Variants in PKHD1 observed in about 807,000 individuals in gnomAD.
PKHD1 encodes the protein PKHD1 ciliary IPT domain containing fibrocystin/polyductin.
In PKHD1, 291 loss-of-function variants were observed where a neutral mutation model predicts 412.0. That is an observed-to-expected ratio of 0.71 (90% CI 0.64 to 0.78). The LOEUF is 0.78. Ranked by LOEUF, PKHD1 falls within the 30% of genes least tolerant of loss-of-function variation. The probability of loss-of-function intolerance (pLI) is 0.00; values close to 1 mark genes in which losing one functional copy is unlikely to be tolerated. For missense variants in PKHD1, 4,825 were observed against 4,950.7 expected (o/e 0.97, Z 0.76); for synonymous variants, 1,777 against 1,821.5 (o/e 0.98, Z 0.62).
intron 36 of PKHD1, among the ~76,000 whole-genome samples, chr6:51,953,482 G>A (rs747037216): frequency 5.3e-4 from 81 of 151,796 alleles, no homozygotes; most frequent in Non-Finnish European, 8.8e-4. Flanking sequence ...GTTCTGTGTT[G>A]TAACATTTCT....
rs183956787 is a variant in PKHD1, at chr6:51,851,851, C to A, written c.7912-3881G>T. Among the ~76,000 whole-genome samples the A allele has an allele frequency of 4.4e-3, 672 of 152,184 alleles. 1 individual carries two copies. The highest frequency in any genetic ancestry group is 7.4e-3 in the Non-Finnish European group (506 of 68,006). ...CTATTTTGTTAATTTTTTCAAAAAACCAGCTCCTGGATTCGTTGATTTTTT... is the reference window on the plus strand; with the variant it reads ...CTATTTTGTTAATTTTTTCAAAAAAACAGCTCCTGGATTCGTTGATTTTTT... On this transcript the variant is annotated intron_variant, in intron 49 of 66. Transcript: ENST00000371117.
At chr6:51,881,075 C>CTTTTTTTTTTTTTT (rs371470393) in intron 46 of PKHD1, among the ~76,000 whole-genome samples, 7 of 134,062 alleles carry the variant, frequency 5.2e-5, no homozygotes, top group African/African-American at 1.1e-4. Flanking sequence ...CTTTTTCTTT[C>CTTTTTTTTTTTTTT]TTTTTTTTTT....
At chr6:51,975,692 CA>C (rs1037241974) in intron 35 of PKHD1, 3 of 149,992 alleles carry the variant, frequency 2.0e-5, no homozygotes, top group African/African-American at 7.3e-5. Context: ...CCCAGCTACT[CA>C]GGAGGCTGGG....
intron 6 of PKHD1, 42 bp downstream of exon 6, chr6:52,076,234 A>G (rs1244622458): frequency 1.4e-6 from 2 of 1,415,088 alleles, no homozygotes; most frequent in African/African-American, 2.8e-5. Flanking sequence ...GCTTTGGCAA[A>G]CAGATTCACA....
chr6:51,804,045 T>C (rs1458491194), intron 52 of PKHD1, among the ~76,000 whole-genome samples: 1 of 151,348 alleles, frequency 6.6e-6, no homozygotes, highest in East Asian at 1.9e-4. Flanking sequence ...AAGAAGTAGA[T>C]GTGAAGTCCT....
At chr6:52,055,564 G>C (rs1188086869) in intron 19 of PKHD1, 23 bp downstream of exon 19, 1 of 1,613,728 alleles carries the variant, frequency 6.2e-7, no homozygotes, top group Admixed American at 1.7e-5. Flanking sequence ...ACCTGACCCA[G>C]AAGCACAAAG....
At chr6:51,882,316 A>G (rs1220997651) in intron 46 of PKHD1, among the ~76,000 whole-genome samples, 1 of 152,234 alleles carries the variant, frequency 6.6e-6, no homozygotes, top group Non-Finnish European at 1.5e-5. Context: ...TTTTACTAAG[A>G]AAAGTTGAGA....
At chr6:51,848,133 G>A (rs1391026116) in intron 49 of PKHD1, among the ~76,000 whole-genome samples, 163 bp from the exon 50 acceptor site, 2 of 152,170 alleles carry the variant, frequency 1.3e-5, no homozygotes, top group Non-Finnish European at 2.9e-5. Flanking sequence ...TGTGGGAAAT[G>A]GGAATACTTA....
chr6:51,976,944 T>TG (rs375683749), intron 35 of PKHD1, among the ~76,000 whole-genome samples: 1 of 93,546 alleles, frequency 1.1e-5, no homozygotes, highest in Non-Finnish European at 2.0e-5. Flanking sequence ...TGAGACTCCA[T>TG]AAAAAAAAAA....
chr6:51,723,272 G>A (rs1010108357), intron 60 of PKHD1, among the ~76,000 whole-genome samples: 15 of 152,172 alleles, frequency 9.9e-5, no homozygotes, highest in African/African-American at 3.6e-4. Flanking sequence ...AGACTGTAGT[G>A]ATGAGTCCCA....
At chr6:51,955,791 G>C (rs1791031943) in intron 36 of PKHD1, among the ~76,000 whole-genome samples, 3 of 152,044 alleles carry the variant, frequency 2.0e-5, no homozygotes, top group Admixed American at 2.0e-4. Context: ...TTCATATTTT[G>C]TCGGTTAAAA....
intron 35 of PKHD1, 36 bp from the exon 36 acceptor site, chr6:51,960,062 G>T (rs1476291848): frequency 3.1e-6 from 5 of 1,610,648 alleles, no homozygotes; most frequent in Non-Finnish European, 4.2e-6. Flanking sequence ...GGGTTGGTTG[G>T]TTGGTTGGCT....
Position 51,632,287 on chromosome 6 carries a change from T to C in PKHD1, c.11665+278A>G, listed in dbSNP as rs2784213. 0.95 allele frequency among the ~76,000 whole-genome samples: 144,455 copies of C among 152,106 alleles called. 68,677 individuals are homozygous for C. The highest frequency in any genetic ancestry group is 1 in the East Asian group (5,176 of 5,180). On this transcript the variant is annotated intron_variant, in intron 65 of 66. Coordinates refer to ENST00000371117, the MANE Select transcript of PKHD1 (RefSeq NM_138694.4). Reference sequence around the variant, plus strand: ...TCACCCACCTCATTGGGTTGTTGTGTGGATTAAATAAATTCCTTTATCTGA... The same window carrying C: ...TCACCCACCTCATTGGGTTGTTGTGCGGATTAAATAAATTCCTTTATCTGA...
At chr6:52,052,096 G>C (rs1464134336) in intron 21 of PKHD1, among the ~76,000 whole-genome samples, 2 of 152,172 alleles carry the variant, frequency 1.3e-5, no homozygotes, top group Non-Finnish European at 2.9e-5. Flanking sequence ...TTAGGCAAAA[G>C]ACTGAAAAGT....
Position 52,062,680 on chromosome 6 carries a change from C to T in PKHD1, c.977-20G>A, listed in dbSNP as rs753880972. On this transcript the variant is annotated intron_variant, in intron 13 of 66. Transcript: ENST00000371117. The stretch of plus-strand genomic sequence containing the variant: ...GATTGCCTGTAAGACATGTAGATCG[C>T]ATAAACATTACAGGGCGCACCTTCC... The T allele has an allele frequency of 1.1e-5, 17 of 1,613,814 alleles. No individual in the cohort carries two copies. In the African/African-American group the frequency reaches 1.9e-4, roughly 18 times the overall value.
At chr6:51,635,797 C>T (rs1026080963) in intron 64 of PKHD1, among the ~76,000 whole-genome samples, 1 of 138,580 alleles carries the variant, frequency 7.2e-6, no homozygotes, top group Non-Finnish European at 1.5e-5. Flanking sequence ...GAGAATATTC[C>T]AACCAAGGAA....
rs201984652 is a variant in PKHD1, at chr6:51,911,791, T to C, written c.6490+8A>G. 43 of 1,610,762 alleles carry C rather than the reference T, an allele frequency of 2.7e-5. No homozygotes were observed. In the Admixed American group the frequency reaches 4.8e-4, roughly 18 times the overall value. The stretch of plus-strand genomic sequence containing the variant: ...CTCATTAGACTTTCCAACAAAACAC[T>C]CTTCTACCTTCTGGAGCATTGGCCT... On this transcript the variant is annotated splice_region_variant and intron_variant, in intron 39 of 66. Transcript: ENST00000371117.
At chr6:52,087,413 C>A (rs1812944716) in intron 1 of PKHD1, 21 bp downstream of exon 1, 1 of 152,204 alleles carries the variant, frequency 6.6e-6, no homozygotes, top group African/African-American at 2.4e-5. Context: ...AGAGCAGAGA[C>A]TTTTCTGGAT....
rs1420500256 is a variant in PKHD1 at position 51,617,576 on chromosome 6, T to A, written c.*1505A>T. The A allele has an allele frequency of 6.6e-6, 1 of 152,186 alleles. No individual in the cohort carries two copies. Among genetic ancestry groups the A allele is most frequent in the Non-Finnish European group, 1.5e-5 (1 of 68,048 alleles). 9.4% of individuals were successfully genotyped at this position (152,186 alleles called of 1,614,324 possible). On this transcript the variant is annotated 3_prime_UTR_variant, in exon 67 of 67. Coordinates refer to ENST00000371117, the MANE Select transcript of PKHD1 (RefSeq NM_138694.4). Reference sequence around the variant, plus strand: ...GAGCACTGACCTTAACATCTACTTATATTTTCTTCCAAATCCAACACAGTG... The same window carrying A: ...GAGCACTGACCTTAACATCTACTTAAATTTTCTTCCAAATCCAACACAGTG...
Sources: allele counts gnomAD v4.1 joint callset (sites outside exome capture counted in the v4.1 genomes callset), GRCh38; gene constraint gnomAD v4.1.1; transcripts MANE v1.5; gene names NCBI Gene and HGNC (gene_info 2026-07-23, HGNC 2026-07-21).